Variants in GALK2 observed in about 807,000 individuals in gnomAD.
GALK2 encodes N-acetylgalactosamine kinase.
A neutral mutation model predicts 52.4 loss-of-function variants in GALK2; 36 were observed. The ratio of observed to expected loss-of-function variants is 0.69; its 90% CI spans 0.53 to 0.91. The LOEUF is 0.91. Ranked by LOEUF, GALK2 falls within the 40% of genes least tolerant of loss-of-function variation. GALK2 has a pLI of 0.00. For synonymous variants in GALK2, 176 were observed against 199.1 expected (o/e 0.88, Z 0.98); for missense variants, 579 against 559.1 (o/e 1.04, Z -0.36).
chr15:49,190,535 A>G (rs1485177593), intron 1 of GALK2, among the ~76,000 whole-genome samples: 1 of 152,240 alleles, frequency 6.6e-6, no homozygotes, highest in African/African-American at 2.4e-5. Flanking sequence ...TGTCATGATG[A>G]TATTTGTCAA....
At chr15:49,188,134 A>C (rs759825028) in intron 1 of GALK2, among the ~76,000 whole-genome samples, 92 of 152,172 alleles carry the variant, frequency 6.0e-4, no homozygotes, top group Non-Finnish European at 1.1e-3. Flanking sequence ...GAATTCTCCC[A>C]GGACTAGTTC....
intron 3 of GALK2, among the ~76,000 whole-genome samples, chr15:49,354,919 T>A (rs997650196): frequency 2.0e-4 from 31 of 152,016 alleles, no homozygotes; most frequent in Non-Finnish European, 4.3e-4. Flanking sequence ...CCTCCTCAAG[T>A]GGGTCCCTGA....
chr15:49,331,484 C>T lies in GALK2; in HGVS notation c.*3325C>T, dbSNP rs1305621857. 1 of 301,210 alleles carries T rather than the reference C, an allele frequency of 3.3e-6. No homozygotes were observed. Among genetic ancestry groups the T allele is most frequent in the African/African-American group, 2.2e-5 (1 of 46,088 alleles). 18.7% of individuals were successfully genotyped at this position (301,210 alleles called of 1,614,324 possible). ...TGTTGAATTATTAATGAAAAACTTA[C>T]AATTTTAAACATCAGTGATTATTAG... On this transcript the variant is annotated 3_prime_UTR_variant, in exon 10 of 10. Coordinates refer to ENST00000560031, the MANE Select transcript of GALK2 (RefSeq NM_002044.4).
chr15:49,354,305 G>A (rs139884542), intron 3 of GALK2, among the ~76,000 whole-genome samples: 22,768 of 152,050 alleles, frequency 0.15, 2,163 homozygotes, highest in Non-Finnish European at 0.21. Flanking sequence ...CGCAGAAGAC[G>A]GGTGATTTCT....
intron 3 of GALK2, among the ~76,000 whole-genome samples, chr15:49,222,164 T>C (rs1440071225): frequency 6.6e-6 from 1 of 152,168 alleles, no homozygotes; most frequent in Non-Finnish European, 1.5e-5. Flanking sequence ...GTAGCTATTA[T>C]AAACAGCATT....
chr15:49,181,959 C>T (rs2086003989), intron 1 of GALK2, among the ~76,000 whole-genome samples: 5 of 152,064 alleles, frequency 3.3e-5, no homozygotes, highest in Non-Finnish European at 5.9e-5. Context: ...ATAGGGTATG[C>T]ATCACCTCAA....
rs2041166369 is a variant in GALK2, at chr15:49,344,373, ATTATT to A, written c.427-23114_427-23110del. On this transcript the variant is annotated intron_variant, in intron 3 of 3. Coordinates refer to the GALK2 transcript ENST00000558399. Reference sequence around the variant, plus strand: ...ATTTATGCATTCAAGTTTTATAATAATTATTTTAATGTTTGCAAAAGGTTACACTG... The same window carrying A: ...ATTTATGCATTCAAGTTTTATAATAATTAATGTTTGCAAAAGGTTACACTG... The A allele has an allele frequency of 2.0e-5, 3 of 152,182 alleles. No individual in the cohort carries two copies. The South Asian group carries it at 6.2e-4, about 31-fold the overall frequency. The allele number at this position is 152,182 out of a possible 1,614,324, so 9.4% of individuals were successfully genotyped here. A position where few individuals can be genotyped will look rare whatever the true frequency, so the allele number is the denominator to read the frequency against.
intron 3 of GALK2, among the ~76,000 whole-genome samples, chr15:49,231,181 G>A (rs117400622): frequency 0.017 from 2,582 of 152,264 alleles, 36 homozygotes; most frequent in Middle Eastern, 0.031. Flanking sequence ...AGGAAGCATG[G>A]CTGCGGAGGC....
intron 3 of GALK2, among the ~76,000 whole-genome samples, chr15:49,228,572 T>C (rs2090272626): frequency 6.8e-6 from 1 of 147,636 alleles, no homozygotes; most frequent in Non-Finnish European, 1.5e-5. Flanking sequence ...TTTTTGTTTA[T>C]TTTATGATAT....
chr15:49,193,796 C>G (rs1389309101), intron 1 of GALK2: 1 of 151,350 alleles, frequency 6.6e-6, no homozygotes, highest in Non-Finnish European at 1.5e-5. Flanking sequence ...GGTGCAATCT[C>G]AGCTCACGGC....
At chr15:49,288,827 C>T (rs2033647774) in intron 7 of GALK2, among the ~76,000 whole-genome samples, 1 of 152,130 alleles carries the variant, frequency 6.6e-6, no homozygotes, top group Non-Finnish European at 1.5e-5. Flanking sequence ...AATATGACAG[C>T]AGGAGCTTTT....
chr15:49,164,078 T>C (rs893020263), intron 1 of GALK2, among the ~76,000 whole-genome samples: 1 of 152,182 alleles, frequency 6.6e-6, no homozygotes, highest in Non-Finnish European at 1.5e-5. Flanking sequence ...ATTAAGGGAC[T>C]ATTTATAGAG....
intron 1 of GALK2, chr15:49,159,050 G>A (rs2084552837): frequency 6.6e-6 from 1 of 152,116 alleles, no homozygotes; most frequent in Admixed American, 6.6e-5. Context: ...GACTGGTCTT[G>A]CAATCCTCCC....
chr15:49,225,651 G>A (rs906690722), intron 3 of GALK2, among the ~76,000 whole-genome samples: 2 of 152,210 alleles, frequency 1.3e-5, no homozygotes, highest in Non-Finnish European at 2.9e-5. Flanking sequence ...CCCTTCTCTG[G>A]TGCTGGCTTA....
chr15:49,297,755 T>A (rs1230774651), intron 8 of GALK2, among the ~76,000 whole-genome samples: 1 of 152,182 alleles, frequency 6.6e-6, no homozygotes, highest in Non-Finnish European at 1.5e-5. Context: ...ATGGATTTAT[T>A]TCTGAGTTTT....
At chr15:49,286,553 G>T (rs556136773) in intron 7 of GALK2, among the ~76,000 whole-genome samples, 13 of 152,180 alleles carry the variant, frequency 8.5e-5, no homozygotes, top group Non-Finnish European at 1.9e-4. Context: ...TATTTGGGGG[G>T]CATACATTTT....
rs1162141267 is a variant in GALK2, at chr15:49,330,253, A to T, written c.*2094A>T. The T allele has an allele frequency of 6.6e-6, 1 of 152,218 alleles. No individual in the cohort carries two copies. The highest frequency in any genetic ancestry group is 1.5e-5 in the Non-Finnish European group (1 of 68,062). 9.4% of individuals were successfully genotyped at this position (152,218 alleles called of 1,614,324 possible). The stretch of plus-strand genomic sequence containing the variant: ...GGCTTTGCTTTGGTATGTAGTGAAG[A>T]ATAAGATTGACTACACTGGCTGGAG... On this transcript the variant is annotated 3_prime_UTR_variant, in exon 10 of 10. Coordinates refer to ENST00000560031, the MANE Select transcript of GALK2 (RefSeq NM_002044.4).
intron 5 of GALK2, among the ~76,000 whole-genome samples, chr15:49,281,033 C>T (rs372442642): frequency 7.2e-5 from 11 of 152,214 alleles, no homozygotes; most frequent in South Asian, 6.2e-4. Flanking sequence ...GATGGGGTTT[C>T]GCCATGTTGG....
At chr15:49,332,459 AT>A (rs2038969724), downstream of GALK2, among the ~76,000 whole-genome samples, 1 of 152,218 alleles carries the variant, frequency 6.6e-6, no homozygotes, top group South Asian at 2.1e-4. Context: ...GTCACCAAGT[AT>A]TCATTCAAGA....
Sources: allele counts gnomAD v4.1 joint callset (sites outside exome capture counted in the v4.1 genomes callset), GRCh38; gene constraint gnomAD v4.1.1; transcripts MANE v1.5; gene names NCBI Gene and HGNC (gene_info 2026-07-23, HGNC 2026-07-21).